The following IBTK variants were observed in gnomAD, a reference collection of about 807,000 sequenced individuals.
IBTK encodes the protein BTK-binding protein.
Under a neutral mutation model 154.9 loss-of-function variants are expected in IBTK, and 83 were observed. That is an observed-to-expected ratio of 0.54 (90% CI 0.45 to 0.64). IBTK has a LOEUF of 0.64. Ranked by LOEUF, IBTK falls within the 30% of genes least tolerant of loss-of-function variation. The pLI is 0.00. For missense variants in IBTK, 1,332 were observed against 1,584.6 expected (o/e 0.84, Z 2.71); for synonymous variants, 515 against 536.1 (o/e 0.96, Z 0.54).
At chr6:82,185,795 A>G (rs1037381102) in intron 25 of IBTK, among the ~76,000 whole-genome samples, 1 of 152,152 alleles carries the variant, frequency 6.6e-6, no homozygotes, top group African/African-American at 2.4e-5. Context: ...CAGCCTTCTA[A>G]GAATTCAAGA....
At chr6:82,232,261 A>G (rs192887217) in intron 3 of IBTK, among the ~76,000 whole-genome samples, 44 of 152,238 alleles carry the variant, frequency 2.9e-4, no homozygotes, top group Non-Finnish European at 4.7e-4. Flanking sequence ...GGCCATATCT[A>G]CTTAGTTTCC....
chr6:82,185,182 CA>C (rs1768495995), intron 25 of IBTK, among the ~76,000 whole-genome samples: 1 of 49,930 alleles, frequency 2.0e-5, no homozygotes, highest in Non-Finnish European at 3.7e-5. Flanking sequence ...AACTCTGTCT[CA>C]GAAAAAAAAA....
intron 18 of IBTK, 90 bp from the exon 19 acceptor site, chr6:82,201,572 A>G: frequency 1.2e-6 from 1 of 817,560 alleles, no homozygotes; most frequent in Non-Finnish European, 1.9e-6. Context: ...TCATATTGCT[A>G]GATAAGTAAC....
chr6:82,230,188 T>A (rs552465530), intron 4 of IBTK, among the ~76,000 whole-genome samples: 1 of 152,268 alleles, frequency 6.6e-6, no homozygotes, highest in East Asian at 1.9e-4. Context: ...ATGTCATATA[T>A]AAATAATAGG....
intron 27 of IBTK, 53 bp downstream of exon 27, chr6:82,173,314 A>G (rs946961694): frequency 1.5e-6 from 2 of 1,336,610 alleles, no homozygotes; most frequent in African/African-American, 1.4e-5. Context: ...AATGTTTTCA[A>G]TGCTAAGCAG....
intron 22 of IBTK, among the ~76,000 whole-genome samples, chr6:82,195,215 A>G (rs1582201681): frequency 1.3e-5 from 2 of 152,058 alleles, no homozygotes; most frequent in African/African-American, 4.8e-5. Flanking sequence ...TTAAACCTCA[A>G]TTGTCTTACA....
chr6:82,214,786 C>T lies in IBTK; in HGVS notation c.1645G>A (p.Glu549Lys). Reference sequence around the variant, plus strand: ...GCTTCCCTCAACAGTTTGCCAAACTCTTCAAAAAAGGATGATGAGGACACA... The same window carrying T: ...GCTTCCCTCAACAGTTTGCCAAACTTTTCAAAAAAGGATGATGAGGACACA... ...PAVSSSSFFE[E>K]FGKLLREADE... Residue 549 changes from glutamate (E) to lysine (K), a missense_variant, in exon 12 of 29, where the codon GAG (glutamate) becomes AAG (lysine). Transcript: ENST00000306270. The T allele has an allele frequency of 6.2e-7, 1 of 1,606,434 alleles. No individual in the cohort carries two copies. The highest frequency in any genetic ancestry group is 8.5e-7 in the Non-Finnish European group (1 of 1,177,360).
At chr6:82,226,672 T>A (rs1257204947) in intron 5 of IBTK, among the ~76,000 whole-genome samples, 1 of 151,346 alleles carries the variant, frequency 6.6e-6, no homozygotes, top group Non-Finnish European at 1.5e-5. Flanking sequence ...AATGGCACAA[T>A]CTCGGCTCAC....
chr6:82,225,866 C>A (rs1770277914), intron 5 of IBTK, among the ~76,000 whole-genome samples: 2 of 152,028 alleles, frequency 1.3e-5, no homozygotes, highest in Admixed American at 1.3e-4. Context: ...GTAAGACATT[C>A]CAGTGAAATA....
At chr6:82,242,969 C>T (rs1165024558) in intron 1 of IBTK, among the ~76,000 whole-genome samples, 4 of 151,636 alleles carry the variant, frequency 2.6e-5, no homozygotes, top group Admixed American at 1.3e-4. Flanking sequence ...AAGACGGGCA[C>T]GGTGGCTCAT....
intron 12 of IBTK, among the ~76,000 whole-genome samples, chr6:82,213,956 A>AAT (rs397829703): frequency 6.1e-4 from 31 of 51,232 alleles, no homozygotes; most frequent in South Asian, 4.6e-3. Flanking sequence ...AAAGGGTGGG[A>AAT]TTTTTTTTTT....
chr6:82,215,943 C>T, intron 11 of IBTK, 133 bp downstream of exon 11: 1 of 598,998 alleles, frequency 1.7e-6, no homozygotes, highest in Non-Finnish European at 2.9e-6. Context: ...AATCTGTAAA[C>T]ATGATTATGT....
intron 6 of IBTK, among the ~76,000 whole-genome samples, chr6:82,224,716 C>T (rs887360289): frequency 1.3e-5 from 2 of 152,138 alleles, no homozygotes; most frequent in Admixed American, 6.6e-5. Context: ...CAACTTGTCA[C>T]GTGTGATATC....
chr6:82,226,588 G>T (rs1191783491), intron 5 of IBTK, among the ~76,000 whole-genome samples: 1 of 149,946 alleles, frequency 6.7e-6, no homozygotes, highest in African/African-American at 2.4e-5. Context: ...TTTACAATTA[G>T]TGTGCCTTCT....
intron 22 of IBTK, among the ~76,000 whole-genome samples, chr6:82,195,594 AAATC>A (rs1252069948): frequency 2.6e-5 from 4 of 152,082 alleles, no homozygotes; most frequent in African/African-American, 9.7e-5. Flanking sequence ...AAAAAAAATC[AAATC>A]AATCCTTGAG....
chr6:82,198,850 G>T (rs868060818), intron 21 of IBTK, among the ~76,000 whole-genome samples: 1 of 152,002 alleles, frequency 6.6e-6, no homozygotes, highest in Non-Finnish European at 1.5e-5. Context: ...TCTAGAATGT[G>T]AGACAGTCTA....
chr6:82,216,219 T>C lies in IBTK; in HGVS notation c.1458A>G (p.Ser486=), dbSNP rs780104023. The stretch of plus-strand genomic sequence containing the variant: ...TTATATCAGAGACATAAGACACATC[T>C]GATGAGGAATTGTGAAGGTTTGATA... ...EILSNLHNSS[S]DVSYVSDINS... The change falls in exon 11 of 29, where the codon TCA becomes TCG. Residue 486 remains serine (S), a synonymous_variant. Coordinates refer to ENST00000306270, the MANE Select transcript of IBTK (RefSeq NM_015525.4). The C allele has an allele frequency of 3.8e-6, 6 of 1,593,502 alleles. No homozygotes were observed. The highest frequency in any genetic ancestry group is 1.4e-5 in the African/African-American group (1 of 73,670).
chr6:82,245,435 T>C (rs1424938037), intron 1 of IBTK, among the ~76,000 whole-genome samples: 1 of 152,090 alleles, frequency 6.6e-6, no homozygotes, highest in Non-Finnish European at 1.5e-5. Context: ...CACATCCCTG[T>C]AGTCCCAACT....
chr6:82,229,918 T>A (rs1770444984), intron 4 of IBTK, among the ~76,000 whole-genome samples: 2 of 152,222 alleles, frequency 1.3e-5, no homozygotes, highest in East Asian at 3.8e-4. Flanking sequence ...TTCTATTGCT[T>A]TTTTTGTTCA....
Sources: gnomAD v4.1 joint callset for allele counts (sites outside exome capture counted in the v4.1 genomes callset) on GRCh38, gnomAD v4.1.1 for gene constraint, MANE v1.5 for transcripts, NCBI Gene and HGNC (gene_info 2026-07-23, HGNC 2026-07-21) for gene names.